Variants in VAV3 observed in about 807,000 individuals in gnomAD.
VAV3 encodes guanine nucleotide exchange factor VAV3.
In VAV3, 94 loss-of-function variants were observed where a neutral mutation model predicts 131.2. The ratio of observed to expected loss-of-function variants is 0.72; its 90% CI spans 0.61 to 0.85. The LOEUF is 0.85. Ranked by LOEUF, VAV3 falls within the 40% of genes least tolerant of loss-of-function variation. The pLI is 0.00. For missense variants in VAV3, 939 were observed against 1,002.7 expected, an observed-to-expected ratio of 0.94 and a Z score of 0.86; for synonymous variants, 349 against 342.0, an observed-to-expected ratio of 1.02 and a Z score of -0.22.
At chr1:107,589,297 AT>A (rs1329410495) in intron 25 of VAV3, among the ~76,000 whole-genome samples, 2 of 152,232 alleles carry the variant, frequency 1.3e-5, no homozygotes, top group African/African-American at 4.8e-5. Context: ...GGATCTCATA[AT>A]GAGATCAAGC....
At chr1:107,778,822 T>G (rs956701346) in intron 3 of VAV3, among the ~76,000 whole-genome samples, 3 of 152,240 alleles carry the variant, frequency 2.0e-5, no homozygotes, top group Non-Finnish European at 2.9e-5. Context: ...CTTTGCTGAC[T>G]GATCTAACTT....
At chr1:107,943,690 C>T (rs1447014852) in intron 1 of VAV3, among the ~76,000 whole-genome samples, 3 of 152,140 alleles carry the variant, frequency 2.0e-5, no homozygotes, top group Admixed American at 6.5e-5. Context: ...TGCAGTGAGC[C>T]GAGATGGTGC....
intron 2 of VAV3, among the ~76,000 whole-genome samples, chr1:107,822,229 A>T (rs1202963837): frequency 1.3e-5 from 2 of 152,176 alleles, no homozygotes; most frequent in Non-Finnish European, 2.9e-5. Flanking sequence ...TCAATCTTGG[A>T]GCCCATGGTT....
chr1:107,910,055 C>T (rs1203855547), intron 1 of VAV3, among the ~76,000 whole-genome samples: 1 of 152,170 alleles, frequency 6.6e-6, no homozygotes, highest in Non-Finnish European at 1.5e-5. Flanking sequence ...TGCATGAATT[C>T]TTCATTTAAT....
In VAV3 at chr1:107,883,503, T is replaced by A. The variant is rs564342622; in HGVS notation, c.205-8486A>T. Among the ~76,000 whole-genome samples, 4 of 152,310 alleles carry A rather than the reference T, an allele frequency of 2.6e-5. No individual in the cohort carries two copies. The East Asian group carries it at 7.7e-4, about 29-fold the overall frequency. ...TTAGTAGTCAGGGAACTCAGTAAAA[T>A]TTTACATTAAATTGTCATCATATCT... On this transcript the variant is annotated intron_variant, in intron 1 of 26. Coordinates refer to ENST00000370056, the MANE Select transcript of VAV3 (RefSeq NM_006113.5).
At chr1:107,948,189 C>G (rs542008787) in intron 1 of VAV3, among the ~76,000 whole-genome samples, 1 of 152,290 alleles carries the variant, frequency 6.6e-6, no homozygotes, top group African/African-American at 2.4e-5. Flanking sequence ...GTCTGAGACT[C>G]TGTACCCTCA....
chr1:107,929,798 A>G (rs1673335586), intron 1 of VAV3, among the ~76,000 whole-genome samples: 1 of 152,204 alleles, frequency 6.6e-6, no homozygotes, highest in Non-Finnish European at 1.5e-5. Context: ...GTGCCCATCA[A>G]TAGATGAATG....
At chr1:107,824,959 C>T (rs138927064) in intron 2 of VAV3, among the ~76,000 whole-genome samples, 6 of 152,218 alleles carry the variant, frequency 3.9e-5, no homozygotes, top group African/African-American at 9.6e-5. Flanking sequence ...TCCCATTATT[C>T]GAAATGAGGT....
chr1:107,891,483 C>A (rs1397759222), intron 1 of VAV3, among the ~76,000 whole-genome samples: 2 of 151,920 alleles, frequency 1.3e-5, no homozygotes, highest in Non-Finnish European at 2.9e-5. Context: ...GGATGCAAAT[C>A]CTGGCTCTGC....
In VAV3 at chr1:107,795,267, A is replaced by T. The variant is rs193071292; in HGVS notation, c.322-15775T>A. Among the ~76,000 whole-genome samples, 23 of 152,348 alleles carry T rather than the reference A, an allele frequency of 1.5e-4. No homozygotes were observed. The East Asian group carries it at 3.7e-3, about 24-fold the overall frequency. Reference sequence around the variant, plus strand: ...TTAAATGGACGAAGTTACCAAGATAACTAGCATCTAAATAACTTAGTAAAC... The same window carrying T: ...TTAAATGGACGAAGTTACCAAGATATCTAGCATCTAAATAACTTAGTAAAC... On this transcript the variant is annotated intron_variant, in intron 2 of 26. Coordinates refer to ENST00000370056, the MANE Select transcript of VAV3 (RefSeq NM_006113.5).
intron 19 of VAV3, among the ~76,000 whole-genome samples, chr1:107,666,975 A>T (rs12069805): frequency 0.085 from 12,936 of 152,190 alleles, 974 homozygotes; most frequent in African/African-American, 0.21. Context: ...TCAAAAAGGC[A>T]TCATAAGCCA....
At chr1:107,574,287 A>G in intron 25 of VAV3, 89 bp from the exon 26 acceptor site, 1 of 1,489,764 alleles carries the variant, frequency 6.7e-7, no homozygotes, top group Non-Finnish European at 9.1e-7. Context: ...TGATGCTATC[A>G]AATGCACAGT....
intron 2 of VAV3, among the ~76,000 whole-genome samples, chr1:107,794,161 AG>A (rs1468993379): frequency 6.6e-6 from 1 of 152,246 alleles, no homozygotes; most frequent in Non-Finnish European, 1.5e-5. Context: ...GATCCATGTG[AG>A]TAGGACATGC....
At chr1:107,822,719 A>T (rs1281325098) in intron 2 of VAV3, among the ~76,000 whole-genome samples, 1 of 151,966 alleles carries the variant, frequency 6.6e-6, no homozygotes, top group South Asian at 2.1e-4. Context: ...GATCTCTTCG[A>T]AAAAATGGGG....
intron 20 of VAV3, among the ~76,000 whole-genome samples, chr1:107,625,431 TA>T (rs1653945023): frequency 6.6e-6 from 1 of 152,082 alleles, no homozygotes; most frequent in Non-Finnish European, 1.5e-5. Flanking sequence ...CATGCCTGGC[TA>T]ATCTTTGTAT....
intron 25 of VAV3, among the ~76,000 whole-genome samples, chr1:107,585,273 C>T (rs1328199): frequency 0.19 from 29,508 of 152,128 alleles, 3,173 homozygotes; most frequent in South Asian, 0.31. Context: ...TGGCTACGTG[C>T]TGTTCCAGGC....
At chr1:107,679,821 G>A (rs1658476901) in intron 19 of VAV3, among the ~76,000 whole-genome samples, 2 of 152,168 alleles carry the variant, frequency 1.3e-5, no homozygotes, top group South Asian at 2.1e-4. Context: ...TAATTGATAT[G>A]TCTGTTACAA....
Position 107,573,222 on chromosome 1 carries a change from G to T in VAV3, c.*109C>A. ...GGCTAAGGAGGGAGGATGTTGAACA[G>T]CCAGAAATGCAGCTTTTTAAACACT... On this transcript the variant is annotated 3_prime_UTR_variant, in exon 27 of 27. Transcript: ENST00000370056. 2 of 1,273,358 alleles carry T rather than the reference G, an allele frequency of 1.6e-6. No individual in the cohort carries two copies. The highest frequency in any genetic ancestry group is 2.2e-6 in the Non-Finnish European group (2 of 907,672). 78.9% of individuals were successfully genotyped at this position (1,273,358 alleles called of 1,614,324 possible).
chr1:107,762,289 C>T (rs958068708), intron 9 of VAV3, among the ~76,000 whole-genome samples: 9 of 152,126 alleles, frequency 5.9e-5, no homozygotes, highest in Admixed American at 3.9e-4. Flanking sequence ...TTTGCCCACA[C>T]TTAGTTTTTC....
Sources: allele counts gnomAD v4.1 joint callset (sites outside exome capture counted in the v4.1 genomes callset), GRCh38; gene constraint gnomAD v4.1.1; transcripts MANE v1.5; gene names NCBI Gene and HGNC (gene_info 2026-07-23, HGNC 2026-07-21).